MST1R: variants seen among roughly 807,000 people sequenced by gnomAD.
MST1R encodes the protein macrophage stimulating 1 receptor, also known as macrophage-stimulating protein receptor.
Under a neutral mutation model 117.8 loss-of-function variants are expected in MST1R, and 99 were observed. The ratio of observed to expected loss-of-function variants is 0.84; its 90% CI spans 0.71 to 0.99. MST1R has a LOEUF of 0.99. Among genes scored for constraint, MST1R ranks in the 50% least tolerant of loss-of-function variants. The pLI is 0.00. For missense variants in MST1R, 1,683 were observed against 1,840.2 expected, an observed-to-expected ratio of 0.91 and a Z score of 1.56; for synonymous variants, 734 against 765.3, an observed-to-expected ratio of 0.96 and a Z score of 0.68.
intron 4 of MST1R, 56 bp from the exon 5 acceptor site, chr3:49,898,267 AC>A: frequency 6.3e-7 from 1 of 1,599,324 alleles, no homozygotes; most frequent in East Asian, 2.2e-5. Flanking sequence ...TCTCAGCCCC[AC>A]CTGCTTCCCC....
chr3:49,903,136 T>G lies in MST1R; in HGVS notation c.474A>C (p.Ala158=). Residue 158 remains alanine (A), a synonymous_variant, in exon 1 of 20, where the codon GCA becomes GCC. Transcript: ENST00000296474. ...LEPQGTAVHL[A]APACLFSAHH... is the part of the protein sequence containing the mutation. The stretch of plus-strand genomic sequence containing the variant: ...GGGCTGAGAAGAGGCAGGCTGGCGC[T>G]GCCAGATGCACGGCTGTCCCTTGGG... 1 of 1,604,036 alleles carries G rather than the reference T, an allele frequency of 6.2e-7. No homozygotes were observed. Among genetic ancestry groups the G allele is most frequent in the Non-Finnish European group, 8.5e-7 (1 of 1,179,976 alleles).
rs1156805771 is a variant in MST1R, at chr3:49,895,280, C to T, written c.3158G>A (p.Arg1053Gln). 6.2e-6 allele frequency: 10 copies of T among 1,614,076 alleles called. No individual in the cohort carries two copies. The highest frequency in any genetic ancestry group is 3.3e-5 in the Admixed American group (2 of 60,004). The stretch of plus-strand genomic sequence containing the variant: ...GTCCCTTAGCTGGATGGACTCTTTC[C>T]GCAGCAGTGGCACACAGGATTCATC... ...SEDESCVPLL[R>Q]KESIQLRDLD... The change falls in exon 14 of 20, where the codon CGG (arginine) becomes CAG (glutamine). Residue 1053 changes from arginine (R) to glutamine (Q), a missense_variant. By Grantham distance (43) the Arg-to-Gln change is conservative (BLOSUM62 1). Transcript: ENST00000296474.
chr3:49,890,685 G>A, intron 17 of MST1R, 35 bp from the exon 18 acceptor site: 1 of 1,576,042 alleles, frequency 6.3e-7, no homozygotes, highest in Non-Finnish European at 8.6e-7. Flanking sequence ...CTTAGGACTG[G>A]CCCTTACCAG....
At chr3:49,895,659 G>T in intron 12 of MST1R, 56 bp downstream of exon 12, 1 of 1,612,160 alleles carries the variant, frequency 6.2e-7, no homozygotes, top group Admixed American at 1.7e-5. Flanking sequence ...GTAGGGACTT[G>T]AAGATGCCAT....
intron 7 of MST1R, 118 bp downstream of exon 7, chr3:49,897,162 C>A: frequency 1.4e-6 from 2 of 1,421,570 alleles, no homozygotes. Context: ...TCTTCCTGGA[C>A]CTGCTCTCCA....
At chr3:49,900,395 G>A (rs1166010052) in intron 1 of MST1R, among the ~76,000 whole-genome samples, 5 of 152,164 alleles carry the variant, frequency 3.3e-5, no homozygotes, top group African/African-American at 9.7e-5. Flanking sequence ...GCGAGGTGCA[G>A]ACGGGGCTCA....
intron 7 of MST1R, 79 bp downstream of exon 7, chr3:49,897,201 T>G: frequency 5.9e-6 from 9 of 1,524,070 alleles, no homozygotes; most frequent in Non-Finnish European, 7.9e-6. Context: ...ACAAGCACTC[T>G]TCCCTCCATC....
chr3:49,899,419 C>T (rs1575447906), intron 1 of MST1R, 156 bp from the exon 2 acceptor site: 4 of 731,750 alleles, frequency 5.5e-6, no homozygotes, highest in East Asian at 5.4e-5. Flanking sequence ...CCCACATTGC[C>T]CCCACAGGGC....
chr3:49,897,174 A>C, intron 7 of MST1R, 106 bp downstream of exon 7: 1 of 1,469,844 alleles, frequency 6.8e-7, no homozygotes, highest in Non-Finnish European at 9.1e-7. Context: ...TGCTCTCCAC[A>C]CCACACTGAC....
intron 5 of MST1R, 52 bp downstream of exon 5, chr3:49,897,999 G>A (rs776936869): frequency 1.9e-6 from 3 of 1,612,014 alleles, no homozygotes; most frequent in African/African-American, 1.3e-5. Flanking sequence ...ATGGGGAAGG[G>A]GCTGCTTGGT....
chr3:49,891,810 T>C lies in MST1R; in HGVS notation c.3300A>G (p.Glu1100=), dbSNP rs1332208957. The C allele has an allele frequency of 1.2e-6, 2 of 1,614,160 alleles. No individual in the cohort carries two copies. Among genetic ancestry groups the C allele is most frequent in the South Asian group, 1.1e-5 (1 of 91,086 alleles). The change falls in exon 15 of 20, where the codon GAA becomes GAG. Residue 1100 remains glutamate (E), a synonymous_variant. Coordinates refer to ENST00000296474, the MANE Select transcript of MST1R (RefSeq NM_002447.4). ...TTCGATTCTGGGCCTGGTCTATGTA[T>C]TCTCCGTGGTAGACAACTCCAAAGT... is the stretch of plus-strand genomic sequence containing the variant. ...KGHFGVVYHG[E]YIDQAQNRIQ... is the part of the protein sequence containing the mutation.
In MST1R at chr3:49,902,687, C is replaced by T. The variant is rs761090501; in HGVS notation, c.923G>A (p.Arg308His). The change falls in exon 1 of 20, where the codon CGC becomes CAC. Residue 308 changes from arginine to histidine, a missense_variant. Coordinates refer to ENST00000296474, the MANE Select transcript of MST1R (RefSeq NM_002447.4). ...LDCRFAPKRR[R>H]RGAPEGGQPY... Reference sequence around the variant, plus strand: ...CTGTCCGCCTTCTGGGGCCCCCCGGCGCCTGCGTTTTGGAGCAAATCTGCA... The same window carrying T: ...CTGTCCGCCTTCTGGGGCCCCCCGGTGCCTGCGTTTTGGAGCAAATCTGCA... 1.9e-6 allele frequency: 3 copies of T among 1,613,444 alleles called. No individual in the cohort carries two copies. Among genetic ancestry groups the T allele is most frequent in the Non-Finnish European group, 1.7e-6 (2 of 1,180,024 alleles).
At chr3:49,898,469 A>G (rs1405703176) in intron 4 of MST1R, 49 bp downstream of exon 4, 1 of 1,591,416 alleles carries the variant, frequency 6.3e-7, no homozygotes, top group South Asian at 1.1e-5. Flanking sequence ...CCACCACCCC[A>G]GGCCCAGCCT....
At chr3:49,899,421 C>T (rs1271794155) in intron 1 of MST1R, 158 bp from the exon 2 acceptor site, 1 of 724,364 alleles carries the variant, frequency 1.4e-6, no homozygotes, top group Non-Finnish European at 2.3e-6. Context: ...CACATTGCCC[C>T]CACAGGGCTC....
rs775164621 is a variant in MST1R at position 49,902,499 on chromosome 3, T to C, written c.1111A>G (p.Ile371Val). 9 of 1,614,118 alleles carry C rather than the reference T, an allele frequency of 5.6e-6. No homozygotes were observed. The highest frequency in any genetic ancestry group is 1.1e-5 in the South Asian group (1 of 91,092). Residue 371 changes from isoleucine (I) to valine (V), a missense_variant, in exon 1 of 20, where the codon ATT becomes GTT. Transcript: ENST00000296474. The part of the protein sequence containing the change: ...GPNSVVCAFP[I>V]DLLDTLIDEG... The stretch of plus-strand genomic sequence containing the variant: ...TCAATTAGTGTGTCCAGCAGGTCAA[T>C]GGGGAAGGCACAGACGACAGAGTTG...
chr3:49,898,463 C>T (rs774424039), intron 4 of MST1R, 55 bp downstream of exon 4: 100 of 1,579,174 alleles, frequency 6.3e-5, no homozygotes, highest in Non-Finnish European at 8.4e-5. Flanking sequence ...TGCTGACCAC[C>T]ACCCCAGGCC....
chr3:49,893,759 C>T (rs2082382717), intron 14 of MST1R, among the ~76,000 whole-genome samples: 4 of 140,336 alleles, frequency 2.9e-5, no homozygotes, highest in African/African-American at 5.4e-5. Flanking sequence ...ATTAGCCGGG[C>T]ACGGTGGCAG....
rs967483629 is a variant in MST1R at position 49,890,464 on chromosome 3, G to A, written c.3810+21C>T. On this transcript the variant is annotated intron_variant, in intron 18 of 19. Coordinates refer to ENST00000296474, the MANE Select transcript of MST1R (RefSeq NM_002447.4). ...CTTGGGTGCCAAAGCCATGTGGACT[G>A]TAGGGCAGGTGGGGCCTCACCACAT... 3 of 1,602,426 alleles carry A rather than the reference G, an allele frequency of 1.9e-6. No homozygotes were observed. In the African/African-American group the frequency reaches 4.0e-5, roughly 21 times the overall value.
At chr3:49,888,200 G>A (rs1406167703) in intron 19 of MST1R, among the ~76,000 whole-genome samples, 1 of 152,168 alleles carries the variant, frequency 6.6e-6, no homozygotes, top group Non-Finnish European at 1.5e-5. Context: ...ACTTTGGGAG[G>A]CCAAGGTGGG....
Sources: gnomAD v4.1 joint callset for allele counts (sites outside exome capture counted in the v4.1 genomes callset) on GRCh38, gnomAD v4.1.1 for gene constraint, MANE v1.5 for transcripts, NCBI Gene and HGNC (gene_info 2026-07-23, HGNC 2026-07-21) for gene names.